Variants in ST6GALNAC3 observed in about 807,000 individuals in gnomAD.
ST6GALNAC3 encodes the protein alpha-N-acetylgalactosaminide alpha-2,6-sialyltransferase 3.
In ST6GALNAC3, 25 loss-of-function variants were observed where a neutral mutation model predicts 32.7. The observed-to-expected ratio is 0.76, with a 90% CI of 0.56 to 1.07. The LOEUF (loss-of-function observed/expected upper bound fraction) is 1.07. ST6GALNAC3 is among the 50% of genes least tolerant of loss of function. The pLI is 0.00. For missense variants in ST6GALNAC3, 355 were observed against 382.4 expected, an observed-to-expected ratio of 0.93 and a Z score of 0.60; for synonymous variants, 129 against 133.1, an observed-to-expected ratio of 0.97 and a Z score of 0.21.
intron 1 of ST6GALNAC3, among the ~76,000 whole-genome samples, chr1:76,259,957 T>C (rs1408097126): frequency 3.3e-5 from 5 of 152,178 alleles, no homozygotes; most frequent in Non-Finnish European, 1.5e-5. Context: ...TCTGTCTTCT[T>C]TTCCATCTCT....
intron 1 of ST6GALNAC3, among the ~76,000 whole-genome samples, chr1:76,179,419 C>CGATGG (rs1362325264): frequency 1.3e-5 from 2 of 152,188 alleles, no homozygotes; most frequent in Admixed American, 6.5e-5. Flanking sequence ...CATCTCTTTC[C>CGATGG]CCCACCTCCA....
chr1:76,128,213 G>A (rs1418323434), intron 1 of ST6GALNAC3, among the ~76,000 whole-genome samples: 1 of 152,132 alleles, frequency 6.6e-6, no homozygotes, highest in Non-Finnish European at 1.5e-5. Flanking sequence ...TTCACAGAAA[G>A]GAGAAAAGGC....
chr1:76,193,703 CT>C (rs1654037941), intron 1 of ST6GALNAC3, among the ~76,000 whole-genome samples: 1 of 152,144 alleles, frequency 6.6e-6, no homozygotes, highest in Non-Finnish European at 1.5e-5. Context: ...TCTTAGCCTG[CT>C]TAAGTTGCCA....
intron 2 of ST6GALNAC3, among the ~76,000 whole-genome samples, chr1:76,336,601 A>T (rs1647495989): frequency 6.6e-6 from 1 of 152,152 alleles, no homozygotes; most frequent in Non-Finnish European, 1.5e-5. Flanking sequence ...TGAGGAAACT[A>T]AGTCACTAAA....
At chr1:76,134,564 C>T (rs981413385) in intron 1 of ST6GALNAC3, among the ~76,000 whole-genome samples, 1 of 152,160 alleles carries the variant, frequency 6.6e-6, no homozygotes, top group Non-Finnish European at 1.5e-5. Flanking sequence ...TTTTCCTGCT[C>T]AGTTTTCAGA....
At chr1:76,534,451 C>T (rs1663469241) in intron 3 of ST6GALNAC3, among the ~76,000 whole-genome samples, 1 of 152,186 alleles carries the variant, frequency 6.6e-6, no homozygotes, top group South Asian at 2.1e-4. Flanking sequence ...ATCCCTCTCA[C>T]CCCCTGTAAC....
At chr1:76,552,344 T>C (rs996873307) in intron 3 of ST6GALNAC3, among the ~76,000 whole-genome samples, 4 of 152,168 alleles carry the variant, frequency 2.6e-5, no homozygotes, top group African/African-American at 9.7e-5. Context: ...TCTGAGCTGC[T>C]CCCTACTGAA....
chr1:76,135,891 G>A (rs775809024), intron 1 of ST6GALNAC3, among the ~76,000 whole-genome samples: 2 of 152,130 alleles, frequency 1.3e-5, no homozygotes, highest in Non-Finnish European at 2.9e-5. Context: ...TGTGGGTAAG[G>A]AGCCCCACAG....
chr1:76,219,357 C>A (rs1244154978), intron 1 of ST6GALNAC3, among the ~76,000 whole-genome samples: 1 of 152,188 alleles, frequency 6.6e-6, no homozygotes, highest in African/African-American at 2.4e-5. Context: ...ACCTAGAAAA[C>A]CAAATGAAGC....
chr1:76,189,521 T>C lies in ST6GALNAC3; in HGVS notation c.18+114637T>C, dbSNP rs114008644. Among the ~76,000 whole-genome samples, 1,247 of 152,288 alleles carry C rather than the reference T, an allele frequency of 8.2e-3. 21 individuals carry two copies. The highest frequency in any genetic ancestry group is 0.028 in the African/African-American group (1,178 of 41,544). ...GTCACACGTCATTGTGCTTAGTGAA[T>C]GTGGCAATCTGAGACAAATACGCCC... On this transcript the variant is annotated intron_variant, in intron 1 of 4. Transcript: ENST00000328299.
intron 2 of ST6GALNAC3, among the ~76,000 whole-genome samples, chr1:76,361,840 A>C (rs1649965011): frequency 6.6e-6 from 1 of 150,486 alleles, no homozygotes; most frequent in African/African-American, 2.5e-5. Context: ...TTAGCCTGGC[A>C]TGGGGCACAC....
At chr1:76,398,828 C>T (rs1653186870) in intron 2 of ST6GALNAC3, among the ~76,000 whole-genome samples, 1 of 152,158 alleles carries the variant, frequency 6.6e-6, no homozygotes, top group Non-Finnish European at 1.5e-5. Context: ...GAAAAGTTTA[C>T]ACTCCCGTTT....
At chr1:76,359,380 C>A (rs1360144197) in intron 2 of ST6GALNAC3, among the ~76,000 whole-genome samples, 2 of 152,088 alleles carry the variant, frequency 1.3e-5, no homozygotes, top group Admixed American at 1.3e-4. Flanking sequence ...GCAGAGTGAG[C>A]CCCTAAACCA....
At chr1:76,414,065 G>A (rs943318842) in intron 3 of ST6GALNAC3, among the ~76,000 whole-genome samples, 10 of 152,010 alleles carry the variant, frequency 6.6e-5, no homozygotes, top group African/African-American at 2.2e-4. Context: ...CTTTTGCCGT[G>A]AGCTTTGAGG....
chr1:76,236,172 C>G (rs966103034), intron 1 of ST6GALNAC3, among the ~76,000 whole-genome samples: 2 of 151,942 alleles, frequency 1.3e-5, no homozygotes, highest in African/African-American at 4.8e-5. Context: ...AGTCCCGAAC[C>G]CCTGACCTCA....
At chr1:76,289,730 C>T (rs1003908473) in intron 1 of ST6GALNAC3, among the ~76,000 whole-genome samples, 57 of 152,294 alleles carry the variant, frequency 3.7e-4, no homozygotes, top group African/African-American at 1.3e-3. Context: ...AGGCCCGTAA[C>T]CAATAGAGGG....
intron 2 of ST6GALNAC3, among the ~76,000 whole-genome samples, chr1:76,324,888 C>CT (rs955585312): frequency 4.5e-4 from 69 of 151,914 alleles, no homozygotes; most frequent in African/African-American, 1.1e-3. Flanking sequence ...ATAAGGTTTG[C>CT]TTTTTTTATT....
intron 3 of ST6GALNAC3, among the ~76,000 whole-genome samples, chr1:76,584,388 A>G (rs1646932002): frequency 1.3e-5 from 2 of 152,188 alleles, no homozygotes; most frequent in Non-Finnish European, 2.9e-5. Flanking sequence ...TGAATTCACT[A>G]ATAAGCATCT....
At chr1:76,288,934 C>CA (rs1331575172) in intron 1 of ST6GALNAC3, among the ~76,000 whole-genome samples, 1 of 152,060 alleles carries the variant, frequency 6.6e-6, no homozygotes, top group Non-Finnish European at 1.5e-5. Flanking sequence ...GTGTGGGGCT[C>CA]AAAAATCTGA....
Sources: gnomAD v4.1 joint callset for allele counts (sites outside exome capture counted in the v4.1 genomes callset) on GRCh38, gnomAD v4.1.1 for gene constraint, MANE v1.5 for transcripts, NCBI Gene and HGNC (gene_info 2026-07-23, HGNC 2026-07-21) for gene names.